IL19: variants seen among roughly 807,000 people sequenced by gnomAD.
The protein encoded by IL19 is interleukin 19.
In IL19, 15 loss-of-function variants were observed where a neutral mutation model predicts 19.5. The observed-to-expected ratio is 0.77, with a 90% CI of 0.52 to 1.19. The LOEUF (loss-of-function observed/expected upper bound fraction) is 1.19, where lower values mean the gene tolerates loss of function less well. IL19 is among the 50% of genes most tolerant of loss of function. The pLI is 0.00. For synonymous variants in IL19, 78 were observed against 78.3 expected (o/e 1.00, Z 0.02); for missense variants, 199 against 213.1 (o/e 0.93, Z 0.41).
intron 2 of IL19, among the ~76,000 whole-genome samples, chr1:206,825,010 C>A (rs2102477197): frequency 6.6e-6 from 1 of 152,342 alleles, no homozygotes; most frequent in African/African-American, 2.4e-5. Flanking sequence ...TCCACCTCGG[C>A]CTCCCAAAGT....
At chr1:206,818,815 T>C (rs1015602647) in intron 2 of IL19, among the ~76,000 whole-genome samples, 2 of 72,582 alleles carry the variant, frequency 2.8e-5, no homozygotes, top group African/African-American at 8.7e-5. Context: ...TTCTTTTTCT[T>C]TCTTTTTTTT....
At chr1:206,818,723 A>G (rs770651143) in intron 2 of IL19, among the ~76,000 whole-genome samples, 7 of 152,206 alleles carry the variant, frequency 4.6e-5, no homozygotes, top group Admixed American at 1.3e-4. Flanking sequence ...AGAAGTTTAT[A>G]AAGAAAAGTG....
At chr1:206,805,780 A>G (rs1473166988) in intron 2 of IL19, among the ~76,000 whole-genome samples, 1 of 152,236 alleles carries the variant, frequency 6.6e-6, no homozygotes, top group Non-Finnish European at 1.5e-5. Flanking sequence ...ATATGTAGAA[A>G]ATATAATGGC....
intron 1 of IL19, among the ~76,000 whole-genome samples, chr1:206,794,605 T>C (rs1675477056): frequency 6.6e-6 from 1 of 152,172 alleles, no homozygotes; most frequent in African/African-American, 2.4e-5. Context: ...GCTTCTCAAG[T>C]TCAGGAACTG....
chr1:206,779,647 TG>T (rs2102446820), intron 1 of IL19, among the ~76,000 whole-genome samples: 1 of 152,354 alleles, frequency 6.6e-6, no homozygotes, highest in African/African-American at 2.4e-5. Flanking sequence ...TGTTGCTACT[TG>T]AACCCTTCCA....
intron 2 of IL19, chr1:206,833,644 C>T (rs1472462654): frequency 1.0e-6 from 1 of 984,824 alleles, no homozygotes; most frequent in Non-Finnish European, 1.2e-6. Flanking sequence ...AGAGAGTCTT[C>T]TAGCCCAAGA....
chr1:206,805,139 C>T (rs1481961099), intron 2 of IL19, among the ~76,000 whole-genome samples: 2 of 152,222 alleles, frequency 1.3e-5, no homozygotes, highest in African/African-American at 4.8e-5. Context: ...TCTCAGTTAG[C>T]TGCCTGGGAT....
intron 1 of IL19, among the ~76,000 whole-genome samples, chr1:206,786,929 A>G (rs1675282073): frequency 6.6e-6 from 1 of 152,134 alleles, no homozygotes; most frequent in African/African-American, 2.4e-5. Context: ...TAGTTTTTCC[A>G]AACCACCAAG....
intron 2 of IL19, among the ~76,000 whole-genome samples, chr1:206,817,445 G>A (rs1407743903): frequency 2.6e-5 from 4 of 152,078 alleles, no homozygotes; most frequent in Admixed American, 6.5e-5. Context: ...TCATTATATT[G>A]GCTTCTAGCA....
intron 1 of IL19, among the ~76,000 whole-genome samples, chr1:206,783,552 G>A (rs758780897): frequency 8.5e-5 from 13 of 152,258 alleles, no homozygotes; most frequent in Non-Finnish European, 1.5e-4. Context: ...TCACGAAAGC[G>A]GCTAAGGGTT....
rs576822746 is a variant in IL19 at position 206,833,717 on chromosome 1, C to T, written c.-2-2944C>T. 296 of 985,512 alleles carry T rather than the reference C, an allele frequency of 3.0e-4. 1 individual carries two copies. In the African/African-American group the frequency reaches 4.1e-3, roughly 14 times the overall value. 61.0% of individuals were successfully genotyped at this position (985,512 alleles called of 1,614,324 possible). A position where few individuals can be genotyped will look rare whatever the true frequency, so the allele number is the denominator to read the frequency against. ...CTTAAACCTCTCTTCTTTCCAGTCTCATTTTCTCTCTCTCTGCATTAATCA... is the reference window on the plus strand; with the variant it reads ...CTTAAACCTCTCTTCTTTCCAGTCTTATTTTCTCTCTCTCTGCATTAATCA... On this transcript the variant is annotated intron_variant, in intron 2 of 6. Coordinates refer to ENST00000659997, the MANE Select transcript of IL19 (RefSeq NM_153758.5).
chr1:206,823,655 T>A (rs1676352936), intron 2 of IL19, among the ~76,000 whole-genome samples: 1 of 152,222 alleles, frequency 6.6e-6, no homozygotes, highest in African/African-American at 2.4e-5. Flanking sequence ...ATCTATTTTA[T>A]TTTTGTGTTC....
chr1:206,841,523 C>G (rs552078477), intron 6 of IL19, among the ~76,000 whole-genome samples: 13 of 152,334 alleles, frequency 8.5e-5, no homozygotes, highest in African/African-American at 2.9e-4. Flanking sequence ...ATGCACATCT[C>G]ACGTGGAGGT....
chr1:206,770,965 G>T lies in IL19; in HGVS notation c.-262G>T. ...GTTCTCCCCCAGGGAGTTCACATGC[G>T]CCTTGATGTCTGGGTCTTGGTTCTC... is the stretch of plus-strand genomic sequence containing the variant. On this transcript the variant is annotated 5_prime_UTR_variant, in exon 1 of 7. Coordinates refer to ENST00000659997, the MANE Select transcript of IL19 (RefSeq NM_153758.5). 1.9e-6 allele frequency: 3 copies of T among 1,614,076 alleles called. No individual in the cohort carries two copies. The highest frequency in any genetic ancestry group is 2.5e-6 in the Non-Finnish European group (3 of 1,179,952).
intron 1 of IL19, among the ~76,000 whole-genome samples, chr1:206,780,978 G>T (rs577421965): frequency 6.6e-6 from 1 of 152,258 alleles, no homozygotes; most frequent in South Asian, 2.1e-4. Flanking sequence ...TAGTGAGGGT[G>T]GCTTAGATAT....
intron 1 of IL19, among the ~76,000 whole-genome samples, chr1:206,792,745 A>G (rs1233289231): frequency 1.3e-5 from 2 of 152,104 alleles, no homozygotes; most frequent in Non-Finnish European, 2.9e-5. Context: ...GTGAGCCACT[A>G]TGCCTGGCTA....
At chr1:206,771,383 T>C in intron 1 of IL19, 1 of 1,613,626 alleles carries the variant, frequency 6.2e-7, no homozygotes, top group Non-Finnish European at 8.5e-7. Flanking sequence ...AGGACTCCTT[T>C]AACAACAAGT....
intron 2 of IL19, among the ~76,000 whole-genome samples, chr1:206,804,425 C>G (rs1675792947): frequency 6.6e-6 from 1 of 152,150 alleles, no homozygotes; most frequent in Non-Finnish European, 1.5e-5. Context: ...ATTTGATTCC[C>G]TATATGACAA....
Position 206,841,084 on chromosome 1 carries a change from A to G in IL19, c.438+6A>G. On this transcript the variant is annotated splice_donor_region_variant and intron_variant, in intron 6 of 6. Transcript: ENST00000659997. ...TCCATGACAACTATGATCAGGTAAGATCTGGGAAGAGGTTGGGGAAGATGG... is the reference window on the plus strand; with the variant it reads ...TCCATGACAACTATGATCAGGTAAGGTCTGGGAAGAGGTTGGGGAAGATGG... The G allele has an allele frequency of 6.2e-7, 1 of 1,612,890 alleles. No individual in the cohort carries two copies. The highest frequency in any genetic ancestry group is 8.5e-7 in the Non-Finnish European group (1 of 1,178,838).
Sources: allele counts gnomAD v4.1 joint callset (sites outside exome capture counted in the v4.1 genomes callset), GRCh38; gene constraint gnomAD v4.1.1; transcripts MANE v1.5; gene names NCBI Gene and HGNC (gene_info 2026-07-23, HGNC 2026-07-21).